Variants in ZSCAN31 observed in about 807,000 individuals in gnomAD.
ZSCAN31 encodes the protein zinc finger and SCAN domain-containing protein 31.
Under a neutral mutation model 22.5 loss-of-function variants are expected in ZSCAN31, and 14 were observed. That is an observed-to-expected ratio of 0.62 (90% confidence interval 0.41 to 0.97). The LOEUF (loss-of-function observed/expected upper bound fraction) is 0.97. ZSCAN31 is among the 50% of genes least tolerant of loss of function. The pLI is 0.00. For missense variants in ZSCAN31, 424 were observed against 483.4 expected, an observed-to-expected ratio of 0.88 and a Z score of 1.15; for synonymous variants, 168 against 169.8, an observed-to-expected ratio of 0.99 and a Z score of 0.08.
rs1199883329 is a variant in ZSCAN31, at chr6:28,325,748, CTTTTTTT to C, written c.*411_*417del. ...TGAATATCCTTTGATCTTAGCAAAT[CTTTTTTT>C]TAAAAGTATACATAGATACTGGTCT... is the stretch of plus-strand genomic sequence containing the variant. On this transcript the variant is annotated 3_prime_UTR_variant, in exon 4 of 4. Coordinates refer to ENST00000344279, the MANE Select transcript of ZSCAN31 (RefSeq NM_030899.5). The C allele has an allele frequency of 1.3e-5, 2 of 154,672 alleles. No individual in the cohort carries two copies. Among genetic ancestry groups the C allele is most frequent in the African/African-American group, 4.8e-5 (2 of 41,398 alleles). The allele number at this position is 154,672 out of a possible 1,614,324, so 9.6% of individuals were successfully genotyped here.
At chr6:28,330,699 T>C (rs985149422) in intron 1 of ZSCAN31, among the ~76,000 whole-genome samples, 18 of 152,174 alleles carry the variant, frequency 1.2e-4, no homozygotes, top group African/African-American at 2.7e-4. Context: ...GCCTGGGCAA[T>C]ATGTGTATAT....
At chr6:28,337,658 T>A (rs1444497575), upstream of ZSCAN31, 7 of 152,036 alleles carry the variant, frequency 4.6e-5, no homozygotes, top group Non-Finnish European at 1.0e-4. Context: ...CCTCATGGGG[T>A]TTATAATGTA....
intron 2 of ZSCAN31, among the ~76,000 whole-genome samples, chr6:28,345,169 A>C (rs1315208415): frequency 1.6e-5 from 2 of 128,904 alleles, no homozygotes; most frequent in East Asian, 2.5e-4. Context: ...AAGAAAAAGA[A>C]AAAGAAAAGA....
intron 3 of ZSCAN31, among the ~76,000 whole-genome samples, chr6:28,341,434 T>C (rs1331231080): frequency 6.6e-6 from 1 of 152,184 alleles, no homozygotes; most frequent in Admixed American, 6.5e-5. Context: ...GCAAACAGGC[T>C]CCCTCTAGCC....
chr6:28,338,907 A>G (rs1764302827), upstream of ZSCAN31, among the ~76,000 whole-genome samples: 1 of 152,234 alleles, frequency 6.6e-6, no homozygotes, highest in Admixed American at 6.5e-5. Flanking sequence ...TTCAATTATG[A>G]GCTACAAGAT....
In ZSCAN31 at chr6:28,329,294, T is replaced by C; in HGVS notation, c.381+9A>G. The C allele has an allele frequency of 6.4e-7, 1 of 1,554,016 alleles. No homozygotes were observed. Among genetic ancestry groups the C allele is most frequent in the Non-Finnish European group, 8.7e-7 (1 of 1,155,524 alleles). Reference sequence around the variant, plus strand: ...TTTAATGTCTAGAAGTCCATCTTTCTCCTCTCACCTGGTTCCCTGGCTCAC... The same window carrying C: ...TTTAATGTCTAGAAGTCCATCTTTCCCCTCTCACCTGGTTCCCTGGCTCAC... On this transcript the variant is annotated intron_variant, in intron 2 of 3. Coordinates refer to ENST00000344279, the MANE Select transcript of ZSCAN31 (RefSeq NM_030899.5).
rs767916389 is a variant in ZSCAN31 at position 28,326,497 on chromosome 6, C to T, written c.890G>A (p.Cys297Tyr). 20 of 1,614,224 alleles carry T rather than the reference C, an allele frequency of 1.2e-5. No individual in the cohort carries two copies. In the Admixed American group the frequency reaches 1.5e-4, roughly 12 times the overall value. The change falls in exon 4 of 4, where the codon TGT (cysteine) becomes TAT (tyrosine). Residue 297 changes from cysteine to tyrosine, a missense_variant. Cys to Tyr is a radical substitution (Grantham distance 194). Coordinates refer to ENST00000344279, the MANE Select transcript of ZSCAN31 (RefSeq NM_030899.5). ...RSHTGEKPYQ[C>Y]KECGKAFSAS... is the part of the protein sequence containing the mutation. ...ACTGAAGGCTTTCCCACACTCCTTA[C>T]ATTGATAGGGTTTCTCTCCAGTGTG... is the stretch of plus-strand genomic sequence containing the variant.
rs1006846476 is a variant in ZSCAN31 at position 28,347,555 on chromosome 6, T to G, written c.-370-5763A>C. ...CAGTTTATGTATTTATTTATTCTGC[T>G]TAATTCTTTTGTTTGTTTTTGTTTA... On this transcript the variant is annotated intron_variant, in intron 2 of 7. Transcript: ENST00000396838. The surrounding 1 kb of genome is among the most constrained non-coding windows in gnomAD (Gnocchi z 5.2). Among the ~76,000 whole-genome samples, 1 of 152,232 alleles carries G rather than the reference T, an allele frequency of 6.6e-6. No individual in the cohort carries two copies. Among genetic ancestry groups the G allele is most frequent in the Non-Finnish European group, 1.5e-5 (1 of 68,038 alleles).
intron 2 of ZSCAN31, among the ~76,000 whole-genome samples, chr6:28,352,924 G>A (rs1765142101): frequency 6.7e-6 from 1 of 150,094 alleles, no homozygotes; most frequent in Admixed American, 6.6e-5. Context: ...TTTTCCCTTT[G>A]TAACCTCTAC....
rs1293967718 is a variant in ZSCAN31, at chr6:28,331,194, T to G, written c.-95-1416A>C. ...GTTAGATCTGTATTTATAGAAAATA[T>G]TAAGATTCAGGATGGAAATGGTAAG... is the stretch of plus-strand genomic sequence containing the variant. On this transcript the variant is annotated intron_variant, in intron 1 of 3. Coordinates refer to ENST00000344279, the MANE Select transcript of ZSCAN31 (RefSeq NM_030899.5). This position sits in a 1 kb window ranked among gnomAD's most constrained non-coding sequence, Gnocchi z 4.8. Among the ~76,000 whole-genome samples the G allele has an allele frequency of 6.6e-6, 1 of 152,188 alleles. No individual in the cohort carries two copies. The highest frequency in any genetic ancestry group is 2.4e-5 in the African/African-American group (1 of 41,438).
chr6:28,341,281 T>A (rs1196890433), intron 3 of ZSCAN31, among the ~76,000 whole-genome samples: 4 of 152,182 alleles, frequency 2.6e-5, no homozygotes, highest in Non-Finnish European at 5.9e-5. Flanking sequence ...CTGAGTAATT[T>A]ATAAACAATA....
chr6:28,353,557 T>C (rs998110247), intron 2 of ZSCAN31: 10 of 227,424 alleles, frequency 4.4e-5, no homozygotes, highest in Non-Finnish European at 9.0e-5. Flanking sequence ...TGTTTCTAGA[T>C]AATACCATAC....
Position 28,331,509 on chromosome 6 carries a change from C to T in ZSCAN31, c.-95-1731G>A, listed in dbSNP as rs1161532499. On this transcript the variant is annotated intron_variant, in intron 1 of 3. Coordinates refer to ENST00000344279, the MANE Select transcript of ZSCAN31 (RefSeq NM_030899.5). The surrounding 1 kb of genome is among the most constrained non-coding windows in gnomAD (Gnocchi z 4.8). ...GAAAGACAGACCTTAATAAAATATTCACATAAAATGATGTTACAGAATTGA... is the reference window on the plus strand; with the variant it reads ...GAAAGACAGACCTTAATAAAATATTTACATAAAATGATGTTACAGAATTGA... Among the ~76,000 whole-genome samples the T allele has an allele frequency of 1.3e-5, 2 of 152,150 alleles. No individual in the cohort carries two copies. Among genetic ancestry groups the T allele is most frequent in the Non-Finnish European group, 2.9e-5 (2 of 68,022 alleles).
At position 28,351,796 on chromosome 6, in the gene ZSCAN31, T is replaced by G. The variant is rs1218979660; in HGVS notation, c.-371+2066A>C. Among the ~76,000 whole-genome samples, 1 of 152,060 alleles carries G rather than the reference T, an allele frequency of 6.6e-6. No individual in the cohort carries two copies. The highest frequency in any genetic ancestry group is 2.4e-5 in the African/African-American group (1 of 41,374). On this transcript the variant is annotated intron_variant, in intron 2 of 7. Transcript: ENST00000396838. The surrounding 1 kb of genome is among the most constrained non-coding windows in gnomAD (Gnocchi z 4.6). ...CGTCCCTCTCTTCTCTTTCATTTTA[T>G]AGCAAATTGCAGATGGAAACATTTT...
At position 28,325,430 on chromosome 6, in the gene ZSCAN31, A is replaced by G. The variant is rs1420005205; in HGVS notation, c.*736T>C. ...ATGAATCATCAACATAGTTATGTTG[A>G]TATGTATATACTATGTTGATGATTC... On this transcript the variant is annotated 3_prime_UTR_variant, in exon 4 of 4. Transcript: ENST00000344279. 1 of 152,050 alleles carries G rather than the reference A, an allele frequency of 6.6e-6. No homozygotes were observed. Among genetic ancestry groups the G allele is most frequent in the Non-Finnish European group, 1.5e-5 (1 of 68,022 alleles). 9.4% of individuals were successfully genotyped at this position (152,050 alleles called of 1,614,324 possible).
intron 2 of ZSCAN31, 37 bp from the exon 3 acceptor site, chr6:28,327,570 A>G: frequency 1.2e-6 from 2 of 1,600,066 alleles, no homozygotes; most frequent in Non-Finnish European, 8.5e-7. Flanking sequence ...AAAGAGGGGG[A>G]TTATAGGAGT....
chr6:28,334,290 G>A (rs989672645), intron 1 of ZSCAN31, among the ~76,000 whole-genome samples: 1 of 152,332 alleles, frequency 6.6e-6, no homozygotes, highest in East Asian at 1.9e-4. Flanking sequence ...TGCATTGCCT[G>A]TAATCCACAA....
intron 1 of ZSCAN31, among the ~76,000 whole-genome samples, chr6:28,334,477 T>C (rs1328497845): frequency 6.6e-6 from 1 of 152,230 alleles, no homozygotes; most frequent in Non-Finnish European, 1.5e-5. Context: ...GTCAGCATAA[T>C]TAACAACAGC....
chr6:28,347,326 G>C lies in ZSCAN31; in HGVS notation c.-370-5534C>G, dbSNP rs536971523. Among the ~76,000 whole-genome samples the C allele has an allele frequency of 6.6e-6, 1 of 152,230 alleles. No individual in the cohort carries two copies. Among genetic ancestry groups the C allele is most frequent in the South Asian group, 2.1e-4 (1 of 4,826 alleles). ...GCTCCCTTGCTGTTTCCTCTACCGG[G>C]AACACTTCCTTAGATATGCACAGGG... On this transcript the variant is annotated intron_variant, in intron 2 of 7. Transcript: ENST00000396838. This position sits in a 1 kb window ranked among gnomAD's most constrained non-coding sequence, Gnocchi z 5.2.
Sources: allele counts gnomAD v4.1 joint callset (sites outside exome capture counted in the v4.1 genomes callset), GRCh38; gene constraint gnomAD v4.1.1; non-coding constraint Gnocchi (gnomAD v3.1); transcripts MANE v1.5; gene names NCBI Gene and HGNC (gene_info 2026-07-23, HGNC 2026-07-21).